DDX60L: variants seen among roughly 807,000 people sequenced by gnomAD.
The protein encoded by DDX60L is DExD/H-box 60 like.
In DDX60L, 191 loss-of-function variants were observed where a neutral mutation model predicts 211.6. The ratio of observed to expected loss-of-function variants is 0.90; its 90% CI spans 0.80 to 1.02. DDX60L has a LOEUF of 1.02. DDX60L is among the 50% of genes least tolerant of loss of function. The pLI, the probability that DDX60L is intolerant of heterozygous loss-of-function variation, is 0.00. For synonymous variants in DDX60L, 706 were observed against 694.1 expected (o/e 1.02, Z -0.27); for missense variants, 2,007 against 1,984.1 (o/e 1.01, Z -0.22).
chr4:168,359,920 C>G (rs565508048), intron 37 of DDX60L, among the ~76,000 whole-genome samples: 15 of 152,256 alleles, frequency 9.9e-5, no homozygotes, highest in African/African-American at 3.6e-4. Flanking sequence ...TTTGGATACA[C>G]TATTCTCCCT....
intron 33 of DDX60L, among the ~76,000 whole-genome samples, chr4:168,378,086 A>C (rs1278911879): frequency 6.6e-6 from 1 of 152,178 alleles, no homozygotes; most frequent in African/African-American, 2.4e-5. Flanking sequence ...TTAAATGACT[A>C]TTTGTGTATG....
chr4:168,408,938 A>G (rs970854631), intron 22 of DDX60L, among the ~76,000 whole-genome samples: 2 of 152,220 alleles, frequency 1.3e-5, no homozygotes, highest in Non-Finnish European at 2.9e-5. Flanking sequence ...ATCCAAGGTT[A>G]GAAGGTTCCT....
chr4:168,449,831 T>C (rs1484339830), intron 8 of DDX60L, among the ~76,000 whole-genome samples: 1 of 145,026 alleles, frequency 6.9e-6, no homozygotes, highest in Non-Finnish European at 1.5e-5. Flanking sequence ...AAAGAGGTTA[T>C]AAAACCCAGA....
At chr4:168,441,948 A>G (rs1204356833) in intron 9 of DDX60L, among the ~76,000 whole-genome samples, 2 of 152,200 alleles carry the variant, frequency 1.3e-5, no homozygotes, top group Non-Finnish European at 2.9e-5. Flanking sequence ...GCAACTTTAA[A>G]AACTAATTTC....
At chr4:168,427,792 A>C (rs2149917287) in intron 13 of DDX60L, among the ~76,000 whole-genome samples, 1 of 152,208 alleles carries the variant, frequency 6.6e-6, no homozygotes, top group East Asian at 1.9e-4. Flanking sequence ...GGGGAAAAAA[A>C]CAGAAATCCC....
In DDX60L at chr4:168,373,623, T is replaced by C. The variant is rs188037068; in HGVS notation, c.4776+43A>G. The stretch of plus-strand genomic sequence containing the variant: ...TTCACAGCAATGTAACCCCACTCTG[T>C]CTGTTAAACACATTTTGTACATAAG... On this transcript the variant is annotated intron_variant, in intron 35 of 37. Coordinates refer to ENST00000682922, the MANE Select transcript of DDX60L (RefSeq NM_001012967.3). 6,859 of 1,588,572 alleles carry C rather than the reference T, an allele frequency of 4.3e-3. 41 individuals carry two copies. The highest frequency in any genetic ancestry group is 3.6e-3 in the Non-Finnish European group (4,215 of 1,163,838).
intron 9 of DDX60L, 136 bp downstream of exon 9, chr4:168,448,497 AAAAAT>A (rs1755165271): frequency 1.7e-6 from 1 of 580,366 alleles, no homozygotes. Context: ...TAAGTGAAGA[AAAAAT>A]AAAATACGTA....
chr4:168,365,883 A>T (rs1245816228), intron 36 of DDX60L, among the ~76,000 whole-genome samples: 1 of 152,202 alleles, frequency 6.6e-6, no homozygotes, highest in Admixed American at 6.5e-5. Context: ...ATGCAAATCA[A>T]TAAATGAGAT....
intron 6 of DDX60L, 129 bp from the exon 7 acceptor site, chr4:168,456,281 T>C (rs1009338235): frequency 3.1e-5 from 14 of 454,896 alleles, no homozygotes; most frequent in South Asian, 5.5e-5. Context: ...CTTCAAATGT[T>C]TAGTTTAAAA....
In DDX60L at chr4:168,432,463, T is replaced by G; in HGVS notation, c.1508A>C (p.His503Pro). 6.4e-7 allele frequency: 1 copy of G among 1,563,796 alleles called. No individual in the cohort carries two copies. The highest frequency in any genetic ancestry group is 2.3e-5 in the East Asian group (1 of 43,036). ...LSDDYDRIKC[H>P]VDEQSRDPHV... Reference sequence around the variant, plus strand: ...GTGGTTACAGAGCTCACCATCAACATGACATTTGATCCTGTCATAGTCGTC... The same window carrying G: ...GTGGTTACAGAGCTCACCATCAACAGGACATTTGATCCTGTCATAGTCGTC... The change falls in exon 12 of 38, where the codon CAT becomes CCT. Residue 503 changes from histidine (H) to proline (P), a missense_variant. By Grantham distance (77) the His-to-Pro change is moderately conservative (BLOSUM62 -2). Coordinates refer to ENST00000682922, the MANE Select transcript of DDX60L (RefSeq NM_001012967.3).
chr4:168,461,576 T>C, intron 5 of DDX60L, 123 bp downstream of exon 5: 1 of 662,862 alleles, frequency 1.5e-6, no homozygotes, highest in East Asian at 2.8e-5. Flanking sequence ...TTATTAAATG[T>C]ATTACCTCTT....
chr4:168,376,905 G>A (rs1201444161), intron 33 of DDX60L, among the ~76,000 whole-genome samples: 1 of 152,198 alleles, frequency 6.6e-6, no homozygotes, highest in Non-Finnish European at 1.5e-5. Flanking sequence ...ATATAGAGCA[G>A]TTATCCCAAA....
chr4:168,361,169 T>C lies in DDX60L; in HGVS notation c.4971A>G (p.Ala1657=), dbSNP rs775123337. ...GQLLKCLKDF[A]FNIQAISDSL... ...CATACCTGATAGCCTGAATGTTGAA[T>C]GCAAAATCTTTCAAACACTTTAAAA... Residue 1657 remains alanine (A), a synonymous_variant, in exon 37 of 38, where the codon GCA becomes GCG. Transcript: ENST00000682922. The C allele has an allele frequency of 1.8e-5, 29 of 1,608,864 alleles. No homozygotes were observed. Among genetic ancestry groups the C allele is most frequent in the Non-Finnish European group, 2.4e-5 (28 of 1,176,510 alleles).
chr4:168,449,652 C>CAAAAAAAAAAAAAAAAAAAAGA, intron 8 of DDX60L, among the ~76,000 whole-genome samples: 2 of 7,934 alleles, frequency 2.5e-4, no homozygotes, highest in Non-Finnish European at 4.5e-4. Context: ...AAAAAAAATG[C>CAAAAAAAAAAAAAAAAAAAAGA]AAAAAAAAAA....
At chr4:168,362,208 G>A (rs2684352) in intron 36 of DDX60L, among the ~76,000 whole-genome samples, 106,187 of 152,128 alleles carry the variant, frequency 0.7, 38,936 homozygotes, top group East Asian at 0.85. Flanking sequence ...GCATGCATTT[G>A]CATGTGCCTG....
At chr4:168,422,383 T>C (rs1364609932) in intron 16 of DDX60L, 141 bp downstream of exon 16, 1 of 749,538 alleles carries the variant, frequency 1.3e-6, no homozygotes, top group Non-Finnish European at 2.1e-6. Flanking sequence ...TCTCATACTC[T>C]AGTTACATTC....
At chr4:168,367,970 T>C (rs755791581) in intron 36 of DDX60L, among the ~76,000 whole-genome samples, 23 of 152,220 alleles carry the variant, frequency 1.5e-4, no homozygotes, top group South Asian at 6.2e-4. Flanking sequence ...CATTCAGTTT[T>C]ATAAGAGAAG....
intron 24 of DDX60L, among the ~76,000 whole-genome samples, chr4:168,405,408 T>C (rs1021556888): frequency 6.6e-6 from 1 of 152,232 alleles, no homozygotes; most frequent in Non-Finnish European, 1.5e-5. Context: ...ATCAATGTTA[T>C]GCTCAAAGAT....
chr4:168,422,969 T>TTGTGTGTGTGTGTGTGTGTG (rs5863932), intron 15 of DDX60L, among the ~76,000 whole-genome samples: 8 of 132,958 alleles, frequency 6.0e-5, no homozygotes, highest in African/African-American at 1.0e-4. Context: ...GTGGCTAATA[T>TTGTGTGTGTGTGTGTGTGTG]TGTGTGTGTG....
Sources: gnomAD v4.1 joint callset for allele counts (sites outside exome capture counted in the v4.1 genomes callset) on GRCh38, gnomAD v4.1.1 for gene constraint, MANE v1.5 for transcripts, NCBI Gene and HGNC (gene_info 2026-07-23, HGNC 2026-07-21) for gene names.